Variants in PUM1 observed in about 807,000 individuals in gnomAD.
PUM1 encodes pumilio RNA binding family member 1.
In PUM1, 13 loss-of-function variants were observed where a neutral mutation model predicts 131.8. The ratio of observed to expected loss-of-function variants is 0.10; its 90% confidence interval spans 0.06 to 0.16. The LOEUF is 0.16. Among genes scored for constraint, PUM1 ranks in the 10% least tolerant of loss-of-function variants. The probability of loss-of-function intolerance (pLI) is 1.00; values close to 1 mark genes in which losing one functional copy is unlikely to be tolerated. For synonymous variants in PUM1, 509 were observed against 556.5 expected (o/e 0.91, Z 1.20); for missense variants, 961 against 1,512.4 (o/e 0.64, Z 6.05).
chr1:31,064,897 T>A (rs1327537570), intron 1 of PUM1, among the ~76,000 whole-genome samples: 1 of 151,846 alleles, frequency 6.6e-6, no homozygotes, highest in African/African-American at 2.4e-5. Flanking sequence ...AAACTAGTAT[T>A]GTGTATCTAG....
chr1:31,020,597 G>A (rs1642984615), intron 3 of PUM1, among the ~76,000 whole-genome samples: 1 of 152,112 alleles, frequency 6.6e-6, no homozygotes, highest in African/African-American at 2.4e-5. Context: ...AAAGCAGGAA[G>A]CAAACAGCCC....
chr1:31,040,977 T>C (rs1570334237), intron 2 of PUM1, among the ~76,000 whole-genome samples: 2 of 152,014 alleles, frequency 1.3e-5, no homozygotes, highest in African/African-American at 4.8e-5. Context: ...AAACGGGAGA[T>C]GCAGGAAAGC....
At position 30,995,219 on chromosome 1, in the gene PUM1, C is replaced by A; in HGVS notation, c.722G>T (p.Gly241Val). The part of the protein sequence containing the change: ...GDSCLRKGGF[G>V]PRDADSDEND... Reference sequence around the variant, plus strand: ...TTCATCACTGTCTGCATCCCTTGGGCCCTGTTTAAAAAATAGCTTCAGCTT... The same window carrying A: ...TTCATCACTGTCTGCATCCCTTGGGACCTGTTTAAAAAATAGCTTCAGCTT... Residue 241 changes from glycine to valine, a missense_variant and splice_region_variant, in exon 6 of 22, where the codon GGC becomes GTC. Around this residue, in one of 4 missense-constraint regions of PUM1, gnomAD observed 654 missense variants for 923.9 expected, o/e 0.71. Coordinates refer to ENST00000426105, the MANE Select transcript of PUM1 (RefSeq NM_001020658.2). 6.2e-7 allele frequency: 1 copy of A among 1,613,386 alleles called. No individual in the cohort carries two copies. Among genetic ancestry groups the A allele is most frequent in the Non-Finnish European group, 8.5e-7 (1 of 1,179,752 alleles).
chr1:31,008,371 TG>T (rs1167525016), intron 3 of PUM1, among the ~76,000 whole-genome samples: 1 of 150,258 alleles, frequency 6.7e-6, no homozygotes, highest in African/African-American at 2.5e-5. Context: ...GGACCTAATT[TG>T]TTGTTTACTA....
chr1:31,005,791 AAGAGAG>A lies in PUM1; in HGVS notation c.720+56_720+61del, dbSNP rs57530886. On this transcript the variant is annotated intron_variant, in intron 5 of 21. Transcript: ENST00000426105. The stretch of plus-strand genomic sequence containing the variant: ...GGCATGTTTTGCTTTAGGGGAAAAA[AAGAGAG>A]AGAGAGAGAGAGAGAGAGAGAGAGA... 523,300 of 1,304,938 alleles carry A rather than the reference AAGAGAG, an allele frequency of 0.4. 54,572 individuals are homozygous for A. Among genetic ancestry groups the A allele is most frequent in the Admixed American group, 0.43 (16,248 of 37,388 alleles). 80.8% of individuals were successfully genotyped at this position (1,304,938 alleles called of 1,614,324 possible).
intron 7 of PUM1, 143 bp downstream of exon 7, chr1:30,992,247 T>A: frequency 8.9e-7 from 1 of 1,125,960 alleles, no homozygotes; most frequent in Non-Finnish European, 1.2e-6. Context: ...TCTGTAAACC[T>A]ACATCACTAA....
rs937579422 is a variant in PUM1, at chr1:31,007,558, G to T, written c.433-456C>A. 8.5e-5 allele frequency among the ~76,000 whole-genome samples: 13 copies of T among 152,194 alleles called. 1 individual carries two copies. The highest frequency in any genetic ancestry group is 2.9e-4 in the African/African-American group (12 of 41,446). On this transcript the variant is annotated intron_variant, in intron 3 of 21. Coordinates refer to ENST00000426105, the MANE Select transcript of PUM1 (RefSeq NM_001020658.2). ...GAGCATGAACCAGCTATGAACCTCA[G>T]CTATGGAATGCCAGAGGCAAAATTC...
At chr1:31,064,033 A>C (rs1470487271) in intron 1 of PUM1, among the ~76,000 whole-genome samples, 1 of 152,194 alleles carries the variant, frequency 6.6e-6, no homozygotes, top group Non-Finnish European at 1.5e-5. Flanking sequence ...TAAGTACTTT[A>C]AGCAACTAGA....
chr1:30,961,942 A>AT (rs1300370109), intron 14 of PUM1, among the ~76,000 whole-genome samples: 1 of 152,208 alleles, frequency 6.6e-6, no homozygotes, highest in East Asian at 1.9e-4. Context: ...AACAGAAGCT[A>AT]TATTAGGTGT....
At chr1:30,985,044 T>A (rs1641496809) in intron 7 of PUM1, among the ~76,000 whole-genome samples, 1 of 152,110 alleles carries the variant, frequency 6.6e-6, no homozygotes, top group East Asian at 1.9e-4. Flanking sequence ...ACAGCCTTGG[T>A]TTCTATCTCA....
At chr1:31,002,657 T>A (rs568179116) in intron 5 of PUM1, among the ~76,000 whole-genome samples, 13 of 152,228 alleles carry the variant, frequency 8.5e-5, no homozygotes, top group African/African-American at 3.1e-4. Context: ...CAAGAATAAA[T>A]AAAGGATACA....
At chr1:30,996,415 C>T (rs1235576138) in intron 5 of PUM1, among the ~76,000 whole-genome samples, 3 of 152,214 alleles carry the variant, frequency 2.0e-5, no homozygotes, top group Admixed American at 2.0e-4. Context: ...TGTGGACAGG[C>T]CTGTAGATCC....
chr1:30,991,533 A>G (rs1641792763), intron 7 of PUM1, among the ~76,000 whole-genome samples: 1 of 152,228 alleles, frequency 6.6e-6, no homozygotes, highest in Admixed American at 6.5e-5. Flanking sequence ...AGAATTTCTA[A>G]ACTTCAAAAT....
At chr1:30,973,968 A>G (rs1419461701) in intron 10 of PUM1, among the ~76,000 whole-genome samples, 1 of 152,046 alleles carries the variant, frequency 6.6e-6, no homozygotes, top group East Asian at 1.9e-4. Flanking sequence ...CGTGCCTGTA[A>G]TCCCAGCTAC....
chr1:31,059,193 C>CA lies in PUM1; in HGVS notation c.363+10_363+11insT. On this transcript the variant is annotated intron_variant, in intron 2 of 21. Transcript: ENST00000426105. Reference sequence around the variant, plus strand: ...GGAATGTCAAAGCTAAAATAGTGAACTTTTTTTTACCTGATGTTCTGCATG... The same window carrying CA: ...GGAATGTCAAAGCTAAAATAGTGAACATTTTTTTTACCTGATGTTCTGCATG... 2.6e-6 allele frequency: 4 copies of CA among 1,543,156 alleles called. No homozygotes were observed. The highest frequency in any genetic ancestry group is 3.5e-6 in the Non-Finnish European group (4 of 1,144,424).
At chr1:31,004,840 T>C (rs956591396) in intron 5 of PUM1, among the ~76,000 whole-genome samples, 16 of 152,230 alleles carry the variant, frequency 1.1e-4, no homozygotes, top group African/African-American at 3.4e-4. Context: ...GAAAGACAGT[T>C]ATAATATTAA....
At position 30,969,189 on chromosome 1, in the gene PUM1, A is replaced by G. The variant is rs114646604; in HGVS notation, c.1507-697T>C. Among the ~76,000 whole-genome samples, 697 of 152,100 alleles carry G rather than the reference A, an allele frequency of 4.6e-3. 5 individuals are homozygous for G. Among genetic ancestry groups the G allele is most frequent in the African/African-American group, 0.016 (657 of 41,452 alleles). ...CGTGGCAGCAGGTGCCTATAATCCC[A>G]GCTACGAGAGAGGATGAGGCAGGAG... On this transcript the variant is annotated intron_variant, in intron 10 of 21. Transcript: ENST00000426105.
intron 2 of PUM1, among the ~76,000 whole-genome samples, chr1:31,031,401 T>C (rs574563113): frequency 2.6e-5 from 4 of 152,342 alleles, no homozygotes; most frequent in African/African-American, 9.6e-5. Context: ...GCACTGTGTA[T>C]ATTTATGTAG....
In PUM1 at chr1:30,933,021, G is replaced by A. The variant is rs540380662; in HGVS notation, c.*190C>T. On this transcript the variant is annotated 3_prime_UTR_variant, in exon 22 of 22. Coordinates refer to ENST00000426105, the MANE Select transcript of PUM1 (RefSeq NM_001020658.2). ...AATTAAAAAAAATAGTACATGTTAT[G>A]TGTAATAAAATTAAATTTACAAAGG... The A allele has an allele frequency of 3.0e-4, 185 of 614,368 alleles. 2 individuals carry two copies. Among genetic ancestry groups the A allele is most frequent in the South Asian group, 2.3e-3 (94 of 41,698 alleles). The allele number at this position is 614,368 out of a possible 1,614,324, so 38.1% of individuals were successfully genotyped here.
Sources: allele counts gnomAD v4.1 joint callset (sites outside exome capture counted in the v4.1 genomes callset), GRCh38; gene constraint gnomAD v4.1.1; regional missense constraint gnomAD v4.1.1; transcripts MANE v1.5; gene names NCBI Gene and HGNC (gene_info 2026-07-23, HGNC 2026-07-21).